The following INPP5F variants were observed in gnomAD, a reference collection of about 807,000 sequenced individuals.
The protein encoded by INPP5F is inositol polyphosphate-5-phosphatase F, also known as phosphatidylinositide 4-phosphatase SAC2.
In INPP5F, 97 loss-of-function variants were observed where a neutral mutation model predicts 137.2. The ratio of observed to expected loss-of-function variants is 0.71; its 90% CI spans 0.60 to 0.84. The LOEUF is 0.84. INPP5F is among the 40% of genes least tolerant of loss of function. The pLI, the probability that INPP5F is intolerant of heterozygous loss-of-function variation, is 0.00. For synonymous variants in INPP5F, 504 were observed against 476.9 expected (o/e 1.06, Z -0.74); for missense variants, 1,271 against 1,371.9 (o/e 0.93, Z 1.16).
intron 9 of INPP5F, among the ~76,000 whole-genome samples, chr10:119,802,661 G>T (rs1050164091): frequency 2.0e-5 from 3 of 152,066 alleles, no homozygotes; most frequent in African/African-American, 7.2e-5. Flanking sequence ...CATGGACTAG[G>T]AACAGAACGC....
intron 3 of INPP5F, among the ~76,000 whole-genome samples, chr10:119,785,386 A>G (rs1849859567): frequency 6.7e-6 from 1 of 148,928 alleles, no homozygotes; most frequent in African/African-American, 2.5e-5. Flanking sequence ...CCCGGGTTCA[A>G]ACGATTCTCC....
intron 2 of INPP5F, among the ~76,000 whole-genome samples, chr10:119,765,878 TATAGAGAGAG>T (rs1392368446): frequency 0.024 from 694 of 28,388 alleles, 10 homozygotes; most frequent in African/African-American, 0.041. Flanking sequence ...TATATATATA[TATAGAGAGAG>T]AGAGAGAGAG....
chr10:119,799,469 A>G, intron 9 of INPP5F: 1 of 219,228 alleles, frequency 4.6e-6, no homozygotes, highest in East Asian at 1.3e-4. Flanking sequence ...TCTCAATATT[A>G]AATAGATTTC....
intron 13 of INPP5F, 108 bp downstream of exon 13, chr10:119,808,168 T>C (rs1850874234): frequency 9.0e-6 from 12 of 1,336,672 alleles, no homozygotes; most frequent in South Asian, 1.5e-5. Context: ...ATGTGTGTAG[T>C]TGACTCTTTT....
At chr10:119,747,923 AATGTC>A (rs1848585161) in intron 1 of INPP5F, among the ~76,000 whole-genome samples, 1 of 152,226 alleles carries the variant, frequency 6.6e-6, no homozygotes, top group South Asian at 2.1e-4. Context: ...AAAAAACTAT[AATGTC>A]ATGGGATCCT....
At chr10:119,769,585 T>C (rs1439537833) in intron 2 of INPP5F, among the ~76,000 whole-genome samples, 1 of 152,160 alleles carries the variant, frequency 6.6e-6, no homozygotes, top group Non-Finnish European at 1.5e-5. Flanking sequence ...TTCTTATCAG[T>C]GTAGGTGAGC....
Position 119,751,019 on chromosome 10 carries a change from G to A in INPP5F, c.98-57G>A. ...TTTTCAATACACTGCTAAAGATACTGTTTTAATATATTTTCTGGTGAATGT... is the reference window on the plus strand; with the variant it reads ...TTTTCAATACACTGCTAAAGATACTATTTTAATATATTTTCTGGTGAATGT... On this transcript the variant is annotated intron_variant, in intron 1 of 19. Transcript: ENST00000650623. 4.5e-6 allele frequency: 5 copies of A among 1,109,884 alleles called. No individual in the cohort carries two copies. In the Admixed American group the frequency reaches 6.8e-5, roughly 15 times the overall value. The allele number at this position is 1,109,884 out of a possible 1,614,324, so 68.8% of individuals were successfully genotyped here.
intron 9 of INPP5F, among the ~76,000 whole-genome samples, chr10:119,801,163 T>C (rs539725214): frequency 6.6e-6 from 1 of 152,258 alleles, no homozygotes; most frequent in South Asian, 2.1e-4. Context: ...ATCTAAAGTA[T>C]TGAATATAAA....
intron 9 of INPP5F, among the ~76,000 whole-genome samples, chr10:119,803,080 CTT>C (rs1351519386): frequency 2.6e-5 from 4 of 151,998 alleles, no homozygotes; most frequent in Admixed American, 2.0e-4. Context: ...ATTTAGGACT[CTT>C]TATGCATTAT....
chr10:119,814,335 C>T (rs879277116), intron 15 of INPP5F, among the ~76,000 whole-genome samples: 32 of 151,486 alleles, frequency 2.1e-4, no homozygotes, highest in Non-Finnish European at 4.3e-4. Flanking sequence ...TGCAGTGAGC[C>T]GAGATCACAC....
intron 2 of INPP5F, among the ~76,000 whole-genome samples, chr10:119,755,932 C>T (rs1589681487): frequency 1.3e-5 from 2 of 151,660 alleles, no homozygotes; most frequent in East Asian, 3.9e-4. Flanking sequence ...CTGAGGTGGG[C>T]AGATCATGAG....
chr10:119,759,192 G>A (rs904673615), intron 2 of INPP5F, among the ~76,000 whole-genome samples: 3 of 152,110 alleles, frequency 2.0e-5, no homozygotes, highest in Admixed American at 6.5e-5. Context: ...GCTAATTTTT[G>A]TATTTTTTAA....
intron 14 of INPP5F, 130 bp downstream of exon 14, chr10:119,810,347 C>T (rs1850979753): frequency 4.0e-6 from 2 of 501,732 alleles, no homozygotes; most frequent in African/African-American, 2.0e-5. Context: ...AGCATCTTAC[C>T]CAATATATCA....
At chr10:119,772,859 C>T (rs1849408038) in intron 2 of INPP5F, among the ~76,000 whole-genome samples, 1 of 151,880 alleles carries the variant, frequency 6.6e-6, no homozygotes, top group Non-Finnish European at 1.5e-5. Context: ...AAGCAATTCT[C>T]CTGCCTCAGC....
Position 119,827,005 on chromosome 10 carries a change from T to C in INPP5F, c.2624T>C (p.Leu875Pro), listed in dbSNP as rs146222455. ...TCTAAGTCTGATGAAGACAGGCAGC[T>C]AGCTAACTCATTAGAGAGTGTAGGG... ...TNSKSDEDRQ[L>P]ANSLESVGPI... Residue 875 changes from leucine (L) to proline (P), a missense_variant, in exon 20 of 20, where the codon CTA becomes CCA. By Grantham distance (98) the Leu-to-Pro change is moderately conservative (BLOSUM62 -3). Coordinates refer to ENST00000650623, the MANE Select transcript of INPP5F (RefSeq NM_014937.4). 1 of 1,614,166 alleles carries C rather than the reference T, an allele frequency of 6.2e-7. No individual in the cohort carries two copies. Among genetic ancestry groups the C allele is most frequent in the South Asian group, 1.1e-5 (1 of 91,078 alleles).
chr10:119,749,289 G>A (rs886858631), intron 1 of INPP5F, among the ~76,000 whole-genome samples: 1 of 152,212 alleles, frequency 6.6e-6, no homozygotes, highest in Non-Finnish European at 1.5e-5. Flanking sequence ...CAGCGCTCCC[G>A]CTTGTTTTCT....
At chr10:119,765,327 A>G (rs938334981) in intron 2 of INPP5F, among the ~76,000 whole-genome samples, 9 of 152,130 alleles carry the variant, frequency 5.9e-5, no homozygotes, top group African/African-American at 2.2e-4. Flanking sequence ...AATCAGTAGT[A>G]GGCTTTTCAT....
chr10:119,827,425 A>G lies in INPP5F; in HGVS notation c.3044A>G (p.Asp1015Gly). The G allele has an allele frequency of 1.9e-6, 3 of 1,614,158 alleles. No homozygotes were observed. Among genetic ancestry groups the G allele is most frequent in the South Asian group, 2.2e-5 (2 of 91,074 alleles). ...ACACCTTCTCGGCCATCGCAATTAG[A>G]TGTCTCTCTTTCTGCAACAGGCCCA... ...EQTPSRPSQLDVSLSATGPQF... is the reference protein window; with the variant it reads ...EQTPSRPSQLGVSLSATGPQF... The change falls in exon 20 of 20, where the codon GAT becomes GGT. Residue 1015 changes from aspartate to glycine, a missense_variant. This residue lies in a region of INPP5F where 490 missense variants were observed against 443.7 expected (regional missense o/e 1.10). Transcript: ENST00000650623.
chr10:119,788,949 G>A lies in INPP5F; in HGVS notation c.316-2568G>A, dbSNP rs566861659. Reference sequence around the variant, plus strand: ...TCTTAAAGAATGATTTTGTTGGCCGGGCGCAGTGGCTCACGCCTATAATCC... The same window carrying A: ...TCTTAAAGAATGATTTTGTTGGCCGAGCGCAGTGGCTCACGCCTATAATCC... On this transcript the variant is annotated intron_variant, in intron 3 of 19. Transcript: ENST00000650623. 3.9e-5 allele frequency among the ~76,000 whole-genome samples: 6 copies of A among 152,304 alleles called. No individual in the cohort carries two copies. The East Asian group carries it at 1.2e-3, about 29-fold the overall frequency.
Sources: allele counts gnomAD v4.1 joint callset (sites outside exome capture counted in the v4.1 genomes callset), GRCh38; gene constraint gnomAD v4.1.1; regional missense constraint gnomAD v4.1.1; transcripts MANE v1.5; gene names NCBI Gene and HGNC (gene_info 2026-07-23, HGNC 2026-07-21).